The following WDR25 variants were observed in gnomAD, a reference collection of about 807,000 sequenced individuals.
The protein encoded by WDR25 is WD repeat-containing protein 25.
A neutral mutation model predicts 47.7 loss-of-function variants in WDR25; 35 were observed. That is an observed-to-expected ratio of 0.73 (90% CI 0.56 to 0.97). The LOEUF (loss-of-function observed/expected upper bound fraction) is 0.97. Ranked by LOEUF, WDR25 falls within the 50% of genes least tolerant of loss-of-function variation. The pLI, the probability that WDR25 is intolerant of heterozygous loss-of-function variation, is 0.00. For missense variants in WDR25, 634 were observed against 704.7 expected (o/e 0.90, Z 1.14); for synonymous variants, 248 against 278.9 (o/e 0.89, Z 1.10).
At position 100,526,167 on chromosome 14, in the gene WDR25, A is replaced by T. The variant is rs2140393087; in HGVS notation, c.1272+127A>T. 30 of 1,190,020 alleles carry T rather than the reference A, an allele frequency of 2.5e-5. 1 individual carries two copies. The South Asian group carries it at 4.0e-4, about 16-fold the overall frequency. The allele number at this position is 1,190,020 out of a possible 1,614,324, so 73.7% of individuals were successfully genotyped here. ...TCACTGGACTGAAATCTCCAGGATG[A>T]GGGTAGTCAGGTCTCAGCCTGCCGC... On this transcript the variant is annotated intron_variant, in intron 5 of 6. Coordinates refer to ENST00000402312, the MANE Select transcript of WDR25 (RefSeq NM_001161476.3).
chr14:100,527,164 A>T (rs1029966127), intron 5 of WDR25, among the ~76,000 whole-genome samples: 22 of 151,066 alleles, frequency 1.5e-4, no homozygotes, highest in African/African-American at 3.9e-4. Context: ...CCCCACCATC[A>T]GCACCACACT....
intron 2 of WDR25, among the ~76,000 whole-genome samples, chr14:100,438,480 A>C (rs979647887): frequency 1.3e-5 from 2 of 152,254 alleles, no homozygotes. Context: ...GCTATGAGTA[A>C]GGTTTTTTAA....
chr14:100,376,520 C>T lies in WDR25; in HGVS notation c.-16+25C>T, dbSNP rs1281252816. On this transcript the variant is annotated intron_variant, in intron 1 of 6. Coordinates refer to ENST00000402312, the MANE Select transcript of WDR25 (RefSeq NM_001161476.3). The stretch of plus-strand genomic sequence containing the variant: ...GGTGCGTGTGGTGAGCGGCGGGCCC[C>T]GGGCTGGAGGGGCCGGGACTGGGCA... The T allele has an allele frequency of 2.7e-5, 33 of 1,231,906 alleles. No homozygotes were observed. In the East Asian group the frequency reaches 6.9e-4, roughly 26 times the overall value. The allele number at this position is 1,231,906 out of a possible 1,614,324, so 76.3% of individuals were successfully genotyped here.
chr14:100,398,716 G>T (rs1897312780), intron 2 of WDR25, among the ~76,000 whole-genome samples: 1 of 145,594 alleles, frequency 6.9e-6, no homozygotes, highest in Admixed American at 7.1e-5. Flanking sequence ...TCCAATCTAG[G>T]ATGCCATATT....
At chr14:100,433,492 TA>T (rs1898402804) in intron 2 of WDR25, among the ~76,000 whole-genome samples, 1 of 152,224 alleles carries the variant, frequency 6.6e-6, no homozygotes, top group Non-Finnish European at 1.5e-5. Context: ...CTTTTGCAAT[TA>T]AAAAATATAA....
At chr14:100,495,157 C>T (rs1308796486) in intron 4 of WDR25, among the ~76,000 whole-genome samples, 1 of 152,114 alleles carries the variant, frequency 6.6e-6, no homozygotes, top group East Asian at 1.9e-4. Context: ...GAGTTTGAGA[C>T]CAGCCTGGTC....
rs1348486263 is a variant in WDR25 at position 100,449,451 on chromosome 14, T to TCCGG, written c.823-18569_823-18566dup. On this transcript the variant is annotated intron_variant, in intron 2 of 6. Transcript: ENST00000402312. This position sits in a 1 kb window ranked among gnomAD's most constrained non-coding sequence, Gnocchi z 4.2. Reference sequence around the variant, plus strand: ...ACTTTCTGAGAGTGGTCACCTCTATTCCGGGGCCCTGCCCTGGCTGGCTGT... The same window carrying TCCGG: ...ACTTTCTGAGAGTGGTCACCTCTATTCCGGCCGGGGCCCTGCCCTGGCTGGCTGT... Among the ~76,000 whole-genome samples the TCCGG allele has an allele frequency of 6.6e-6, 1 of 152,198 alleles. No homozygotes were observed. Among genetic ancestry groups the TCCGG allele is most frequent in the African/African-American group, 2.4e-5 (1 of 41,456 alleles).
At chr14:100,509,797 G>T (rs1463861179) in intron 4 of WDR25, among the ~76,000 whole-genome samples, 1 of 151,978 alleles carries the variant, frequency 6.6e-6, no homozygotes, top group Non-Finnish European at 1.5e-5. Context: ...TTTTGTGTAT[G>T]GTACAGGTAT....
chr14:100,394,026 A>G (rs767804068), intron 2 of WDR25, among the ~76,000 whole-genome samples: 8 of 152,192 alleles, frequency 5.3e-5, no homozygotes, highest in South Asian at 2.1e-4. Context: ...TGTGAGGATC[A>G]GAGGAGGTTA....
At chr14:100,406,218 C>T (rs1219783075) in intron 2 of WDR25, among the ~76,000 whole-genome samples, 5 of 152,136 alleles carry the variant, frequency 3.3e-5, no homozygotes, top group Admixed American at 6.5e-5. Flanking sequence ...CTGGAGCAGT[C>T]GGCTTCGGAG....
chr14:100,520,240 A>G (rs1480057915), intron 4 of WDR25, among the ~76,000 whole-genome samples: 1 of 151,840 alleles, frequency 6.6e-6, no homozygotes, highest in African/African-American at 2.4e-5. Context: ...TTTCTTGTGG[A>G]GACAAAATAT....
chr14:100,413,752 G>C (rs1283352921), intron 2 of WDR25, among the ~76,000 whole-genome samples: 1 of 152,166 alleles, frequency 6.6e-6, no homozygotes, highest in East Asian at 1.9e-4. Flanking sequence ...AATTACTTTT[G>C]CACCAACCCA....
chr14:100,408,193 C>G (rs756626540), intron 2 of WDR25, among the ~76,000 whole-genome samples: 7 of 152,044 alleles, frequency 4.6e-5, no homozygotes, highest in Non-Finnish European at 8.8e-5. Flanking sequence ...CTAAGGAGAC[C>G]TCATCGGACG....
At chr14:100,419,432 T>C (rs1035921488) in intron 2 of WDR25, among the ~76,000 whole-genome samples, 1 of 152,172 alleles carries the variant, frequency 6.6e-6, no homozygotes, top group Non-Finnish European at 1.5e-5. Flanking sequence ...CATGAGCAGA[T>C]GATGACCTTA....
At chr14:100,433,066 A>G (rs1402902676) in intron 2 of WDR25, among the ~76,000 whole-genome samples, 1 of 152,368 alleles carries the variant, frequency 6.6e-6, no homozygotes, top group Middle Eastern at 3.4e-3. Context: ...GTGGATCGTC[A>G]TTGACTGAAA....
chr14:100,468,614 C>T lies in WDR25; in HGVS notation c.970+446C>T, dbSNP rs1899722415. Among the ~76,000 whole-genome samples the T allele has an allele frequency of 6.6e-6, 1 of 152,150 alleles. No individual in the cohort carries two copies. Among genetic ancestry groups the T allele is most frequent in the Non-Finnish European group, 1.5e-5 (1 of 68,010 alleles). ...CAAACGAGTTCTGCTTTAATGCCCACACTGAAAAGGCACTTGGGTAGGATG... is the reference window on the plus strand; with the variant it reads ...CAAACGAGTTCTGCTTTAATGCCCATACTGAAAAGGCACTTGGGTAGGATG... On this transcript the variant is annotated intron_variant, in intron 3 of 6. Transcript: ENST00000402312. The surrounding 1 kb of genome is among the most constrained non-coding windows in gnomAD (Gnocchi z 4.5).
intron 4 of WDR25, among the ~76,000 whole-genome samples, chr14:100,490,192 G>A (rs35258141): frequency 6.6e-6 from 1 of 152,160 alleles, no homozygotes; most frequent in Non-Finnish European, 1.5e-5. Flanking sequence ...GTATGCTGTA[G>A]CATTCTGGTA....
chr14:100,427,538 G>T (rs1033252246), intron 2 of WDR25, among the ~76,000 whole-genome samples: 2 of 152,196 alleles, frequency 1.3e-5, no homozygotes, highest in Non-Finnish European at 2.9e-5. Context: ...GTGCCGAGTA[G>T]GTGCGGGCCT....
chr14:100,476,188 T>C (rs536498643), intron 3 of WDR25, among the ~76,000 whole-genome samples: 28 of 152,336 alleles, frequency 1.8e-4, no homozygotes, highest in African/African-American at 6.5e-4. Context: ...TGCTGGCCGA[T>C]GCAGGGCCAC....
Sources: allele counts gnomAD v4.1 joint callset (sites outside exome capture counted in the v4.1 genomes callset), GRCh38; gene constraint gnomAD v4.1.1; non-coding constraint Gnocchi (gnomAD v3.1); transcripts MANE v1.5; gene names NCBI Gene and HGNC (gene_info 2026-07-23, HGNC 2026-07-21).